Variants in PHF11 observed in about 807,000 individuals in gnomAD.
The protein encoded by PHF11 is BRCA1 C-terminus-associated protein.
In PHF11, 38 loss-of-function variants were observed where a neutral mutation model predicts 40.5. That is an observed-to-expected ratio of 0.94 (90% CI 0.72 to 1.23). PHF11 has a LOEUF of 1.23. PHF11 is among the 50% of genes most tolerant of loss of function. The probability of loss-of-function intolerance (pLI) is 0.00; values close to 1 mark genes in which losing one functional copy is unlikely to be tolerated. For missense variants in PHF11, 369 were observed against 392.4 expected (o/e 0.94, Z 0.50); for synonymous variants, 127 against 138.2 (o/e 0.92, Z 0.57).
chr13:49,513,237 A>G, intron 3 of PHF11, 71 bp downstream of exon 3: 2 of 714,028 alleles, frequency 2.8e-6, no homozygotes, highest in Non-Finnish European at 4.9e-6. Flanking sequence ...AAAGGAGTCT[A>G]TTTGACTGAT....
chr13:49,496,708 GC>G (rs1398581836), intron 1 of PHF11: 1 of 169,176 alleles, frequency 5.9e-6, no homozygotes, highest in Non-Finnish European at 1.3e-5. Context: ...GGCAGACCCT[GC>G]CCTAGAGACT....
At chr13:49,501,023 T>TTTTTTTTTTTTG (rs1958899656) in intron 1 of PHF11, among the ~76,000 whole-genome samples, 1 of 147,242 alleles carries the variant, frequency 6.8e-6, no homozygotes. Flanking sequence ...TTTGGTTTTT[T>TTTTTTTTTTTTG]TTTTTCTGAA....
intron 2 of PHF11, among the ~76,000 whole-genome samples, chr13:49,508,343 ACTATATTCATATATTC>A (rs1566189527): frequency 7.3e-6 from 1 of 137,190 alleles, no homozygotes; most frequent in African/African-American, 2.9e-5. Context: ...TTCATATATT[ACTATATTCATATATTC>A]ATATATAATA....
chr13:49,496,131 G>C, intron 1 of PHF11, 36 bp downstream of exon 1: 2 of 1,113,546 alleles, frequency 1.8e-6, no homozygotes, highest in Non-Finnish European at 2.3e-6. Context: ...GGGCGGGCGG[G>C]GCTGGGCAGC....
At chr13:49,509,897 CA>C (rs1959060590) in intron 2 of PHF11, among the ~76,000 whole-genome samples, 1 of 152,204 alleles carries the variant, frequency 6.6e-6, no homozygotes, top group African/African-American at 2.4e-5. Context: ...CTGACTAATA[CA>C]CAAGGACATT....
At position 49,528,801 on chromosome 13, in the gene PHF11, G is replaced by C. The variant is rs1049634271; in HGVS notation, c.*136G>C. The C allele has an allele frequency of 3.2e-6, 2 of 618,202 alleles. No individual in the cohort carries two copies. The highest frequency in any genetic ancestry group is 5.6e-6 in the Non-Finnish European group (2 of 357,396). 38.3% of individuals were successfully genotyped at this position (618,202 alleles called of 1,614,324 possible). A position where few individuals can be genotyped will look rare whatever the true frequency, so the allele number is the denominator to read the frequency against. The stretch of plus-strand genomic sequence containing the variant: ...TCAGCAGCTCTTCCCTGTTCTTACT[G>C]GTTGACATTTTGATCACTCTTTGCA... On this transcript the variant is annotated 3_prime_UTR_variant, in exon 10 of 10. Transcript: ENST00000378319.
intron 4 of PHF11, among the ~76,000 whole-genome samples, chr13:49,519,174 T>A (rs190319754): frequency 2.6e-5 from 4 of 152,194 alleles, no homozygotes; most frequent in African/African-American, 7.2e-5. Context: ...GTTCCGTAAG[T>A]ATTTTGTTGC....
chr13:49,507,902 C>A (rs551352194), intron 2 of PHF11, among the ~76,000 whole-genome samples: 2 of 152,222 alleles, frequency 1.3e-5, no homozygotes, highest in South Asian at 4.1e-4. Context: ...CAATCCCCTG[C>A]AGACACTGAG....
chr13:49,508,162 A>G (rs932669080), intron 2 of PHF11, among the ~76,000 whole-genome samples: 4 of 147,808 alleles, frequency 2.7e-5, no homozygotes, highest in Non-Finnish European at 6.0e-5. Flanking sequence ...CATATATTAT[A>G]TGTATTAATA....
chr13:49,496,965 A>T (rs2139020914), intron 1 of PHF11: 1 of 801,822 alleles, frequency 1.2e-6, no homozygotes, highest in East Asian at 6.7e-5. Flanking sequence ...TCCCGAGTGG[A>T]TGGGATTACA....
intron 8 of PHF11, 120 bp downstream of exon 8, chr13:49,524,336 A>G (rs762639102): frequency 6.2e-6 from 5 of 806,032 alleles, no homozygotes; most frequent in Non-Finnish European, 5.9e-6. Flanking sequence ...TTTTTCTTCT[A>G]TCAGCTTTTG....
At chr13:49,524,766 A>G (rs7337718) in intron 8 of PHF11, among the ~76,000 whole-genome samples, 70,034 of 151,954 alleles carry the variant, frequency 0.46, 17,012 homozygotes, top group Middle Eastern at 0.57. Flanking sequence ...ATGAGCCACC[A>G]TGCCTGGCCC....
intron 1 of PHF11, chr13:49,497,272 G>A: frequency 9.8e-7 from 1 of 1,025,456 alleles, no homozygotes; most frequent in Non-Finnish European, 1.3e-6. Context: ...CTCCAGACTG[G>A]TATAACCAAC....
intron 2 of PHF11, among the ~76,000 whole-genome samples, chr13:49,510,571 G>A (rs1171294128): frequency 6.6e-6 from 1 of 152,012 alleles, no homozygotes; most frequent in African/African-American, 2.4e-5. Context: ...TTGAACTCCT[G>A]GGCTTAAGCA....
chr13:49,520,930 C>T lies in PHF11; in HGVS notation c.495C>T (p.Ile165=), dbSNP rs778739722. 7.6e-6 allele frequency: 12 copies of T among 1,579,504 alleles called. No individual in the cohort carries two copies. Among genetic ancestry groups the T allele is most frequent in the African/African-American group, 2.7e-5 (2 of 74,106 alleles). ...LCQQHAQFPI[I]AQSAKFSGVK... ...AGCAACATGCTCAATTCCCGATCATCGCTCAAAGTGGTAAGTTTCTAAAAT... is the reference window on the plus strand; with the variant it reads ...AGCAACATGCTCAATTCCCGATCATTGCTCAAAGTGGTAAGTTTCTAAAAT... The change falls in exon 5 of 10, where the codon ATC becomes ATT. Residue 165 remains isoleucine, a synonymous_variant. Transcript: ENST00000378319.
At chr13:49,516,376 A>G (rs1349512177) in intron 3 of PHF11, among the ~76,000 whole-genome samples, 3 of 151,476 alleles carry the variant, frequency 2.0e-5, no homozygotes, top group Non-Finnish European at 4.4e-5. Flanking sequence ...AATAAATACT[A>G]TATACTCATG....
At chr13:49,519,824 G>C (rs1959179090) in intron 4 of PHF11, among the ~76,000 whole-genome samples, 1 of 152,174 alleles carries the variant, frequency 6.6e-6, no homozygotes, top group African/African-American at 2.4e-5. Flanking sequence ...CAGAATCAAA[G>C]TGGGATGAGA....
chr13:49,497,859 C>A (rs1401041665), intron 1 of PHF11, among the ~76,000 whole-genome samples: 1 of 152,164 alleles, frequency 6.6e-6, no homozygotes, highest in Non-Finnish European at 1.5e-5. Context: ...TTTCCATTTG[C>A]TATTCTCTGC....
intron 2 of PHF11, among the ~76,000 whole-genome samples, chr13:49,510,044 G>T (rs191372382): frequency 6.6e-6 from 1 of 151,952 alleles, no homozygotes; most frequent in East Asian, 1.9e-4. Flanking sequence ...TTTTTTTTGA[G>T]ACAAGGTCTC....
Sources: allele counts gnomAD v4.1 joint callset (sites outside exome capture counted in the v4.1 genomes callset), GRCh38; gene constraint gnomAD v4.1.1; transcripts MANE v1.5; gene names NCBI Gene and HGNC (gene_info 2026-07-23, HGNC 2026-07-21).